Variants in KAZN observed in about 807,000 individuals in gnomAD.
KAZN encodes kazrin, periplakin interacting protein.
In KAZN, 40 loss-of-function variants were observed where a neutral mutation model predicts 87.4. That is an observed-to-expected ratio of 0.46 (90% CI 0.36 to 0.60). KAZN has a LOEUF of 0.60. Ranked by LOEUF, KAZN falls within the 20% of genes least tolerant of loss-of-function variation. The pLI is 0.00. For synonymous variants in KAZN, 466 were observed against 458.3 expected (o/e 1.02, Z -0.22); for missense variants, 898 against 1,073.9 (o/e 0.84, Z 2.29).
intron 2 of KAZN, among the ~76,000 whole-genome samples, chr1:15,002,019 T>C (rs1316858171): frequency 1.3e-5 from 2 of 151,784 alleles, no homozygotes; most frequent in Non-Finnish European, 2.9e-5. Context: ...TAGCTGGGAC[T>C]ACAGGCGCCC....
chr1:14,369,503 C>G (rs529124102), intron 2 of KAZN, among the ~76,000 whole-genome samples: 3 of 152,224 alleles, frequency 2.0e-5, no homozygotes, highest in African/African-American at 4.8e-5. Flanking sequence ...GCTTCTCCAT[C>G]TGGAGAATGG....
rs1342339310 is a variant in KAZN, at chr1:14,777,927, T to A, written c.226+178704T>A. 3.3e-5 allele frequency among the ~76,000 whole-genome samples: 5 copies of A among 152,160 alleles called. No individual in the cohort carries two copies. The East Asian group carries it at 5.8e-4, about 18-fold the overall frequency. On this transcript the variant is annotated intron_variant, in intron 1 of 14. Coordinates refer to ENST00000376030, the MANE Select transcript of KAZN (RefSeq NM_201628.3). ...GAGTGTCTTTTAGCATGCTAATTCA[T>A]TATAATTAGCATATAATGAGCCATG...
At chr1:14,198,030 GT>G (rs1184370755) in intron 2 of KAZN, among the ~76,000 whole-genome samples, 11 of 114,746 alleles carry the variant, frequency 9.6e-5, no homozygotes, top group Non-Finnish European at 1.5e-4. Context: ...TAGTAACAGA[GT>G]AGTAGTAGTA....
At chr1:14,310,675 G>A (rs528412339) in intron 2 of KAZN, among the ~76,000 whole-genome samples, 2 of 152,132 alleles carry the variant, frequency 1.3e-5, no homozygotes, top group South Asian at 2.1e-4. Flanking sequence ...AAGTTTACTC[G>A]CAATTTCTAT....
At chr1:14,327,084 T>G (rs2100857502) in intron 2 of KAZN, among the ~76,000 whole-genome samples, 1 of 152,336 alleles carries the variant, frequency 6.6e-6, no homozygotes, top group Non-Finnish European at 1.5e-5. Context: ...TGTAAACACT[T>G]ATGCAACGAC....
intron 1 of KAZN, among the ~76,000 whole-genome samples, chr1:14,632,631 G>C (rs1358849840): frequency 6.7e-6 from 1 of 150,288 alleles, no homozygotes; most frequent in East Asian, 2.0e-4. Context: ...CCACCCAAAG[G>C]CTACAGGTAA....
chr1:14,086,249 A>G (rs1407780085), intron 1 of KAZN, among the ~76,000 whole-genome samples: 2 of 152,310 alleles, frequency 1.3e-5, no homozygotes, highest in Middle Eastern at 3.4e-3. Flanking sequence ...GGTTTGTTAC[A>G]TAGGTAAACG....
At chr1:14,723,398 G>A (rs937558159) in intron 1 of KAZN, among the ~76,000 whole-genome samples, 21 of 152,278 alleles carry the variant, frequency 1.4e-4, no homozygotes, top group Non-Finnish European at 2.4e-4. Context: ...AGATATCAAA[G>A]TCCTCAGGTC....
At position 14,142,715 on chromosome 1, in the gene KAZN, G is replaced by T. The variant is rs150695366; in HGVS notation, c.92-37720G>T. On this transcript the variant is annotated intron_variant, in intron 1 of 16. Coordinates refer to the KAZN transcript ENST00000636203. The stretch of plus-strand genomic sequence containing the variant: ...ACTTCATTTTCATGGACATGGTCAC[G>T]TGAGGCAGATGGGCCCGCTGCAGCT... Among the ~76,000 whole-genome samples the T allele has an allele frequency of 2.0e-5, 3 of 152,340 alleles. No homozygotes were observed. In the East Asian group the frequency reaches 5.8e-4, roughly 29 times the overall value.
intron 2 of KAZN, among the ~76,000 whole-genome samples, chr1:14,485,317 G>A (rs980502048): frequency 2.0e-5 from 3 of 152,102 alleles, no homozygotes; most frequent in Non-Finnish European, 4.4e-5. Context: ...CATTTCTAGT[G>A]CCACCCACTT....
chr1:14,426,965 A>T (rs1010765228), intron 2 of KAZN, among the ~76,000 whole-genome samples: 2 of 152,216 alleles, frequency 1.3e-5, no homozygotes, highest in Admixed American at 1.3e-4. Context: ...ACTGTACACC[A>T]GGCACAGAGC....
At chr1:14,738,602 T>A (rs1351265115) in intron 1 of KAZN, among the ~76,000 whole-genome samples, 1 of 152,142 alleles carries the variant, frequency 6.6e-6, no homozygotes, top group African/African-American at 2.4e-5. Flanking sequence ...TCAGACTTTA[T>A]GCACTTCTAA....
chr1:15,024,984 A>G (rs1353271128), intron 2 of KAZN, among the ~76,000 whole-genome samples: 1 of 152,104 alleles, frequency 6.6e-6, no homozygotes, highest in East Asian at 1.9e-4. Flanking sequence ...AGGCAAAGAA[A>G]AACAAGATGT....
At chr1:14,066,525 G>A (rs1643015946) in intron 1 of KAZN, among the ~76,000 whole-genome samples, 1 of 152,128 alleles carries the variant, frequency 6.6e-6, no homozygotes, top group Non-Finnish European at 1.5e-5. Context: ...CCTCTTCTAG[G>A]CAGGAGAACA....
At chr1:14,004,232 G>C (rs1460373093) in intron 1 of KAZN, among the ~76,000 whole-genome samples, 2 of 152,078 alleles carry the variant, frequency 1.3e-5, no homozygotes, top group Non-Finnish European at 2.9e-5. Context: ...CTAATGTTGA[G>C]AAAAATGTGG....
intron 1 of KAZN, among the ~76,000 whole-genome samples, chr1:14,655,974 TAC>T (rs1467118071): frequency 6.6e-6 from 1 of 152,174 alleles, no homozygotes; most frequent in Non-Finnish European, 1.5e-5. Flanking sequence ...GTGCAGCTTA[TAC>T]AGCGTTTTCA....
chr1:14,177,050 C>T (rs1036478382), intron 1 of KAZN, among the ~76,000 whole-genome samples: 5 of 151,834 alleles, frequency 3.3e-5, no homozygotes, highest in Non-Finnish European at 1.5e-5. Context: ...CCCAGCTACT[C>T]GGGAGGCTAA....
At chr1:13,955,464 G>C (rs1025739479) in intron 1 of KAZN, among the ~76,000 whole-genome samples, 1 of 151,614 alleles carries the variant, frequency 6.6e-6, no homozygotes, top group Admixed American at 6.6e-5. Flanking sequence ...GTATATTTTT[G>C]GGATTTTGGT....
chr1:14,564,475 C>T (rs1674431340), intron 2 of KAZN, among the ~76,000 whole-genome samples: 2 of 151,998 alleles, frequency 1.3e-5, no homozygotes, highest in Non-Finnish European at 2.9e-5. Context: ...AGAAGCTACC[C>T]TGTGGGCTTG....
Sources: allele counts gnomAD v4.1 joint callset (sites outside exome capture counted in the v4.1 genomes callset), GRCh38; gene constraint gnomAD v4.1.1; transcripts MANE v1.5; gene names NCBI Gene and HGNC (gene_info 2026-07-23, HGNC 2026-07-21).